PLCH1: variants seen among roughly 807,000 people sequenced by gnomAD.
PLCH1 encodes the protein phospholipase C eta 1, also known as 1-phosphatidylinositol 4,5-bisphosphate phosphodiesterase eta-1.
A neutral mutation model predicts 126.7 loss-of-function variants in PLCH1; 60 were observed. That is an observed-to-expected ratio of 0.47 (90% CI 0.38 to 0.59). The LOEUF (loss-of-function observed/expected upper bound fraction) is 0.59, where lower values mean the gene tolerates loss of function less well. Among genes scored for constraint, PLCH1 ranks in the 20% least tolerant of loss-of-function variants. PLCH1 has a pLI of 0.00. For synonymous variants in PLCH1, 719 were observed against 734.9 expected, an observed-to-expected ratio of 0.98 and a Z score of 0.35; for missense variants, 1,723 against 2,040.0, an observed-to-expected ratio of 0.84 and a Z score of 2.99.
chr3:155,471,548 A>G (rs1443321978), intron 21 of PLCH1, among the ~76,000 whole-genome samples: 5 of 146,918 alleles, frequency 3.4e-5, no homozygotes, highest in Admixed American at 6.9e-5. Context: ...GATACCCAGG[A>G]ATTGAACTCA....
chr3:155,664,591 A>G (rs887510975), intron 2 of PLCH1, among the ~76,000 whole-genome samples: 11 of 152,214 alleles, frequency 7.2e-5, no homozygotes, highest in African/African-American at 2.7e-4. Flanking sequence ...AGTCTGCTTT[A>G]TATACAAAAT....
At chr3:155,702,996 G>A (rs1746385991) in intron 2 of PLCH1, among the ~76,000 whole-genome samples, 1 of 152,160 alleles carries the variant, frequency 6.6e-6, no homozygotes, top group African/African-American at 2.4e-5. Context: ...TGGAAAGGTG[G>A]AGGCAGAAAT....
rs564527960 is a variant in PLCH1, at chr3:155,725,648, C to T, written c.-41+19192G>A. Among the ~76,000 whole-genome samples the T allele has an allele frequency of 2.0e-3, 306 of 152,182 alleles. 1 individual carries two copies. Among genetic ancestry groups the T allele is most frequent in the South Asian group, 9.1e-3 (44 of 4,826 alleles). Reference sequence around the variant, plus strand: ...AGAGACGGGGTTTCACCACGTTGGCCGGGCTGGTCTTGAACTCCTGACCTC... The same window carrying T: ...AGAGACGGGGTTTCACCACGTTGGCTGGGCTGGTCTTGAACTCCTGACCTC... On this transcript the variant is annotated intron_variant, in intron 1 of 22. Coordinates refer to ENST00000460012, the MANE Select transcript of PLCH1 (RefSeq NM_014996.4).
chr3:155,743,067 A>G, intron 1 of PLCH1: 1 of 292,366 alleles, frequency 3.4e-6, no homozygotes, highest in South Asian at 2.6e-5. Context: ...CTAGGTACCA[A>G]TCATGCTGCC....
intron 8 of PLCH1, among the ~76,000 whole-genome samples, chr3:155,558,806 A>T (rs1727172522): frequency 6.6e-6 from 1 of 152,182 alleles, no homozygotes; most frequent in African/African-American, 2.4e-5. Context: ...TGGAAAATGA[A>T]ACCGCAGATA....
intron 9 of PLCH1, among the ~76,000 whole-genome samples, chr3:155,552,004 A>G (rs1390577553): frequency 6.6e-6 from 1 of 152,182 alleles, no homozygotes; most frequent in East Asian, 1.9e-4. Flanking sequence ...TGTAGAAATC[A>G]GGGTTGTAAA....
chr3:155,473,787 C>T (rs1370007952), intron 21 of PLCH1, among the ~76,000 whole-genome samples: 1 of 151,140 alleles, frequency 6.6e-6, no homozygotes, highest in Non-Finnish European at 1.5e-5. Flanking sequence ...CTACAACTAT[C>T]TGATCTTTGA....
At chr3:155,642,445 G>A (rs1011639244) in intron 2 of PLCH1, among the ~76,000 whole-genome samples, 1 of 152,316 alleles carries the variant, frequency 6.6e-6, no homozygotes, top group East Asian at 1.9e-4. Flanking sequence ...ACTTGACTGG[G>A]CCACAGGATG....
rs60805589 is a variant in PLCH1, at chr3:155,724,813, T to TTGTGTGTGTGTGTGTG, written c.-41+20011_-41+20026dup. On this transcript the variant is annotated intron_variant, in intron 1 of 22. Coordinates refer to ENST00000460012, the MANE Select transcript of PLCH1 (RefSeq NM_014996.4). ...TGTTGCCTGAATACCTTGGGGGGTT[T>TTGTGTGTGTGTGTGTG]TGTGTGTGTGTGTGTGTGTGTGTGT... Among the ~76,000 whole-genome samples, 193 of 140,152 alleles carry TTGTGTGTGTGTGTGTG rather than the reference T, an allele frequency of 1.4e-3. 3 individuals are homozygous for TTGTGTGTGTGTGTGTG. The highest frequency in any genetic ancestry group is 4.6e-3 in the African/African-American group (171 of 36,890). 91.9% of individuals were successfully genotyped at this position (140,152 alleles called of 152,430 possible). A position where few individuals can be genotyped will look rare whatever the true frequency, so the allele number is the denominator to read the frequency against.
chr3:155,621,600 A>G (rs1000016074), intron 2 of PLCH1, among the ~76,000 whole-genome samples: 1 of 152,270 alleles, frequency 6.6e-6, no homozygotes, highest in Non-Finnish European at 1.5e-5. Flanking sequence ...ACAGCACAAG[A>G]ACTTCGTGAA....
intron 2 of PLCH1, among the ~76,000 whole-genome samples, chr3:155,694,655 T>A (rs1440523678): frequency 6.6e-6 from 1 of 152,180 alleles, no homozygotes; most frequent in African/African-American, 2.4e-5. Flanking sequence ...CACTTATACG[T>A]CAGTCACATA....
intron 2 of PLCH1, among the ~76,000 whole-genome samples, chr3:155,648,597 G>C (rs1460488024): frequency 6.6e-6 from 1 of 152,190 alleles, no homozygotes; most frequent in African/African-American, 2.4e-5. Context: ...TACTGTGTAT[G>C]AGAAGTATTT....
At chr3:155,543,637 A>G (rs1347457627) in intron 10 of PLCH1, among the ~76,000 whole-genome samples, 3 of 152,238 alleles carry the variant, frequency 2.0e-5, no homozygotes, top group Admixed American at 6.5e-5. Context: ...GCAGCCAGAG[A>G]GAAAGGTCGG....
intron 13 of PLCH1, among the ~76,000 whole-genome samples, chr3:155,503,624 G>A (rs566611982): frequency 5.3e-5 from 8 of 150,444 alleles, no homozygotes; most frequent in Non-Finnish European, 7.4e-5. Context: ...TGCAACCTCT[G>A]CCTCCTGGGT....
At chr3:155,559,438 C>T (rs373080043) in intron 8 of PLCH1, among the ~76,000 whole-genome samples, 1 of 152,004 alleles carries the variant, frequency 6.6e-6, no homozygotes, top group African/African-American at 2.4e-5. Flanking sequence ...AGGTCAAACA[C>T]ACAAAAACAA....
intron 2 of PLCH1, among the ~76,000 whole-genome samples, chr3:155,663,651 G>A (rs1411553221): frequency 6.6e-6 from 1 of 151,966 alleles, no homozygotes; most frequent in African/African-American, 2.4e-5. Flanking sequence ...CTCACGCAGG[G>A]GCTATGGCTT....
chr3:155,644,908 T>C (rs1039590693), intron 2 of PLCH1, among the ~76,000 whole-genome samples: 6 of 152,214 alleles, frequency 3.9e-5, no homozygotes, highest in Non-Finnish European at 8.8e-5. Flanking sequence ...TGTTCCTGTC[T>C]GAATAAAGAT....
At chr3:155,476,241 A>C (rs1713541575), downstream of PLCH1, among the ~76,000 whole-genome samples, 3 of 152,174 alleles carry the variant, frequency 2.0e-5, no homozygotes, top group South Asian at 6.2e-4. Context: ...AAAGTATTTG[A>C]TAAAATTTAA....
chr3:155,581,251 C>T (rs1392205610), intron 6 of PLCH1, among the ~76,000 whole-genome samples: 2 of 152,142 alleles, frequency 1.3e-5, no homozygotes, highest in African/African-American at 4.8e-5. Flanking sequence ...CAGATCCAGA[C>T]TGAAAGAAGG....
Sources: allele counts gnomAD v4.1 joint callset (sites outside exome capture counted in the v4.1 genomes callset), GRCh38; gene constraint gnomAD v4.1.1; transcripts MANE v1.5; gene names NCBI Gene and HGNC (gene_info 2026-07-23, HGNC 2026-07-21).